The following SEC31A variants were observed in gnomAD, a reference collection of about 807,000 sequenced individuals.
The protein encoded by SEC31A is protein transport protein Sec31A.
SEC31A carries 70 observed loss-of-function variants against 151.0 expected under a neutral mutation model. The ratio of observed to expected loss-of-function variants is 0.46; its 90% CI spans 0.38 to 0.57. The LOEUF (loss-of-function observed/expected upper bound fraction) is 0.57, where lower values mean the gene tolerates loss of function less well. SEC31A is among the 20% of genes least tolerant of loss of function. The pLI is 0.00. For missense variants in SEC31A, 1,330 were observed against 1,471.2 expected, an observed-to-expected ratio of 0.90 and a Z score of 1.57; for synonymous variants, 475 against 505.9, an observed-to-expected ratio of 0.94 and a Z score of 0.82.
At position 82,878,714 on chromosome 4, in the gene SEC31A, A is replaced by G. The variant is rs1460934532; in HGVS notation, c.402+16T>C. 4.4e-6 allele frequency: 7 copies of G among 1,599,982 alleles called. No individual in the cohort carries two copies. The highest frequency in any genetic ancestry group is 4.3e-6 in the Non-Finnish European group (5 of 1,167,550). On this transcript the variant is annotated intron_variant, in intron 4 of 26. Transcript: ENST00000395310. ...CAGCACATAGTCTAAGAATTATGAA[A>G]TGTTAAAGTCTTAACCTGGAAAATG...
chr4:82,826,222 TTTTA>T (rs1724509813), intron 24 of SEC31A, among the ~76,000 whole-genome samples: 1 of 150,810 alleles, frequency 6.6e-6, no homozygotes, highest in Non-Finnish European at 1.5e-5. Context: ...TTATAATCTT[TTTTA>T]TTTTTTTTTA....
rs775657839 is a variant in SEC31A at position 82,864,425 on chromosome 4, A to G, written c.1371T>C (p.Tyr457=). 1 of 1,613,804 alleles carries G rather than the reference A, an allele frequency of 6.2e-7. No individual in the cohort carries two copies. The highest frequency in any genetic ancestry group is 2.2e-5 in the East Asian group (1 of 44,876). The change falls in exon 11 of 27, where the codon TAT becomes TAC. Residue 457 remains tyrosine (Y), a synonymous_variant. Transcript: ENST00000395310. Reference sequence around the variant, plus strand: ...GAGAAGCATCAATTTTTTTTTGGCAATAATTGATAAATCCTTGTGACTGCA... The same window carrying G: ...GAGAAGCATCAATTTTTTTTTGGCAGTAATTGATAAATCCTTGTGACTGCA... ...QAVQSQGFIN[Y]CQKKIDASQT...
intron 3 of SEC31A, among the ~76,000 whole-genome samples, chr4:82,896,863 T>C (rs1245520343): frequency 6.6e-6 from 1 of 152,178 alleles, no homozygotes; most frequent in East Asian, 1.9e-4. Context: ...TTGACCTTTT[T>C]CCCCAAAGCT....
chr4:82,894,407 C>G (rs772943405), upstream of SEC31A: 1 of 152,192 alleles, frequency 6.6e-6, no homozygotes, highest in Non-Finnish European at 1.5e-5. Flanking sequence ...TTGTCTGTAG[C>G]TGATCTGGGT....
chr4:82,823,482 G>T (rs571610158), intron 25 of SEC31A, among the ~76,000 whole-genome samples: 1 of 152,322 alleles, frequency 6.6e-6, no homozygotes, highest in East Asian at 1.9e-4. Flanking sequence ...TTTCCACAAA[G>T]CCACTGACCA....
chr4:82,846,366 CATAATAATAATA>C (rs35831381), intron 20 of SEC31A, among the ~76,000 whole-genome samples: 29 of 140,538 alleles, frequency 2.1e-4, no homozygotes, highest in African/African-American at 4.2e-4. Flanking sequence ...AACTCCAAAA[CATAATAATAATA>C]ATAATAATAA....
At chr4:82,851,640 A>C in intron 18 of SEC31A, 36 bp from the exon 19 acceptor site, 1 of 1,552,028 alleles carries the variant, frequency 6.4e-7, no homozygotes, top group South Asian at 1.2e-5. Flanking sequence ...CAGAAATATC[A>C]AGACCATGTA....
At chr4:82,865,327 T>C (rs1206671882) in intron 10 of SEC31A, among the ~76,000 whole-genome samples, 1 of 152,018 alleles carries the variant, frequency 6.6e-6, no homozygotes, top group Non-Finnish European at 1.5e-5. Flanking sequence ...AAAACGGCTA[T>C]AAAATGGTAT....
At chr4:82,837,949 A>T (rs1727831385) in intron 22 of SEC31A, among the ~76,000 whole-genome samples, 1 of 152,210 alleles carries the variant, frequency 6.6e-6, no homozygotes. Flanking sequence ...CATTAATTTG[A>T]AATAGAGAAT....
chr4:82,880,989 A>T, intron 2 of SEC31A, 67 bp from the exon 3 acceptor site: 2 of 1,353,636 alleles, frequency 1.5e-6, no homozygotes. Flanking sequence ...CATACAAAAC[A>T]GAAGTTAAAA....
chr4:82,850,301 C>A (rs1030092598), intron 19 of SEC31A, among the ~76,000 whole-genome samples: 1 of 151,900 alleles, frequency 6.6e-6, no homozygotes, highest in Non-Finnish European at 1.5e-5. Context: ...AAAGTCTTAA[C>A]AAAACTAGTA....
intron 4 of SEC31A, among the ~76,000 whole-genome samples, chr4:82,876,664 C>G (rs1203190426): frequency 2.6e-5 from 4 of 152,078 alleles, no homozygotes; most frequent in Admixed American, 2.0e-4. Context: ...AATCTTATTC[C>G]AGGTGGCAAT....
chr4:82,847,402 C>T (rs1455942405), intron 20 of SEC31A, among the ~76,000 whole-genome samples: 1 of 152,210 alleles, frequency 6.6e-6, no homozygotes, highest in East Asian at 1.9e-4. Flanking sequence ...TCTTTTCCTA[C>T]AAGTGTAAGA....
intron 16 of SEC31A, among the ~76,000 whole-genome samples, chr4:82,855,408 G>A (rs142594736): frequency 4.3e-4 from 65 of 152,296 alleles, no homozygotes; most frequent in African/African-American, 1.4e-3. Context: ...CCAAGGGAAC[G>A]ACAGATGCAA....
chr4:82,841,965 C>G (rs867070867), intron 22 of SEC31A, among the ~76,000 whole-genome samples, 175 bp downstream of exon 22: 2 of 151,412 alleles, frequency 1.3e-5, no homozygotes, highest in Admixed American at 6.6e-5. Context: ...GAGAGAGACT[C>G]CATCACAAAA....
intron 8 of SEC31A, among the ~76,000 whole-genome samples, chr4:82,868,954 C>T (rs184996380): frequency 1.1e-4 from 16 of 151,996 alleles, no homozygotes; most frequent in Non-Finnish European, 1.5e-4. Flanking sequence ...AAGTGGCCCA[C>T]GTGACATTTA....
rs766595216 is a variant in SEC31A, at chr4:82,880,917, A to G, written c.85T>C (p.Ser29Pro). The change falls in exon 3 of 27, where the codon TCT (serine) becomes CCT (proline). Residue 29 changes from serine to proline, a missense_variant. Ser to Pro is a moderately conservative substitution (Grantham distance 74, BLOSUM62 -1). Transcript: ENST00000395310. ...NHPIYLATGT[S>P]AQQLDATFST... ...AATGTTGCATCCAATTGCTGAGCAG[A>G]TGTTCCTATAGAAAATATATTTATG... is the stretch of plus-strand genomic sequence containing the variant. The G allele has an allele frequency of 2.5e-6, 4 of 1,605,200 alleles. No homozygotes were observed. The highest frequency in any genetic ancestry group is 3.4e-6 in the Non-Finnish European group (4 of 1,174,886).
intron 12 of SEC31A, 24 bp from the exon 13 acceptor site, chr4:82,862,596 C>A (rs766497462): frequency 1.2e-6 from 2 of 1,605,830 alleles, no homozygotes; most frequent in Admixed American, 3.3e-5. Flanking sequence ...AACAGCTCAC[C>A]TACTACATGG....
At chr4:82,820,959 G>C in intron 26 of SEC31A, 78 bp downstream of exon 26, 13 of 1,196,324 alleles carry the variant, frequency 1.1e-5, no homozygotes, top group Non-Finnish European at 1.6e-5. Flanking sequence ...ATACTAAATG[G>C]GAGTGCTGAT....
Sources: allele counts gnomAD v4.1 joint callset (sites outside exome capture counted in the v4.1 genomes callset), GRCh38; gene constraint gnomAD v4.1.1; transcripts MANE v1.5; gene names NCBI Gene and HGNC (gene_info 2026-07-23, HGNC 2026-07-21).